The following PRRC1 variants were observed in gnomAD, a reference collection of about 807,000 sequenced individuals.
PRRC1 encodes protein PRRC1.
A neutral mutation model predicts 40.7 loss-of-function variants in PRRC1; 39 were observed. The ratio of observed to expected loss-of-function variants is 0.96; its 90% confidence interval spans 0.74 to 1.25. The LOEUF (loss-of-function observed/expected upper bound fraction) is 1.25, where lower values mean the gene tolerates loss of function less well. PRRC1 is among the 50% of genes most tolerant of loss of function. The pLI is 0.00. For missense variants in PRRC1, 573 were observed against 548.3 expected (o/e 1.05, Z -0.45); for synonymous variants, 175 against 193.3 (o/e 0.91, Z 0.79).
At chr5:127,526,110 A>G (rs1580931192) in intron 3 of PRRC1, among the ~76,000 whole-genome samples, 1 of 152,280 alleles carries the variant, frequency 6.6e-6, no homozygotes, top group East Asian at 1.9e-4. Context: ...CATTTTAGGG[A>G]AAAGCAGTAG....
chr5:127,553,803 A>C lies in PRRC1; in HGVS notation c.*1887A>C. The C allele has an allele frequency of 6.5e-7, 1 of 1,535,526 alleles. No individual in the cohort carries two copies. The highest frequency in any genetic ancestry group is 2.0e-5 in the Admixed American group (1 of 50,952). On this transcript the variant is annotated 3_prime_UTR_variant, in exon 9 of 9. Transcript: ENST00000296666. ...AATACTGACATTTCATTAGATGATT[A>C]TTTTCCTAGAATCCCCAAAGAGCAG...
intron 7 of PRRC1, among the ~76,000 whole-genome samples, chr5:127,542,207 G>A (rs1205165157): frequency 1.3e-5 from 2 of 152,140 alleles, no homozygotes; most frequent in Non-Finnish European, 2.9e-5. Context: ...TTAATCCTGA[G>A]TTCTAGTTTG....
chr5:127,520,543 GA>G (rs1462940865), intron 1 of PRRC1, among the ~76,000 whole-genome samples: 2 of 152,100 alleles, frequency 1.3e-5, no homozygotes, highest in Non-Finnish European at 2.9e-5. Flanking sequence ...TATGTTGAAT[GA>G]AAAAAAGCCA....
In PRRC1 at chr5:127,526,423, C is replaced by T. The variant is rs1171871084; in HGVS notation, c.494-195C>T. On this transcript the variant is annotated intron_variant, in intron 3 of 8. Transcript: ENST00000296666. ...CATTTTCAGGATACTTGGTTTAAGA[C>T]TATATAAAGGGAAATAAATTTCTTT... 2.6e-5 allele frequency among the ~76,000 whole-genome samples: 4 copies of T among 152,166 alleles called. No individual in the cohort carries two copies. The East Asian group carries it at 7.7e-4, about 29-fold the overall frequency.
intron 6 of PRRC1, among the ~76,000 whole-genome samples, chr5:127,536,284 T>C (rs1341002497): frequency 8.1e-5 from 11 of 136,122 alleles, no homozygotes; most frequent in Non-Finnish European, 1.7e-4. Context: ...GGGTTTGAAT[T>C]TAATCTAGAA....
At chr5:127,540,565 C>A (rs1362925847) in intron 7 of PRRC1, among the ~76,000 whole-genome samples, 1 of 152,102 alleles carries the variant, frequency 6.6e-6, no homozygotes, top group African/African-American at 2.4e-5. Flanking sequence ...CAGAGCTGCT[C>A]ACTACCAATT....
intron 3 of PRRC1, among the ~76,000 whole-genome samples, 156 bp from the exon 4 acceptor site, chr5:127,526,462 A>T (rs969319462): frequency 6.6e-6 from 1 of 152,212 alleles, no homozygotes; most frequent in Admixed American, 6.5e-5. Context: ...AATTCTGTTT[A>T]ATTTGCGTTT....
rs768799240 is a variant in PRRC1, at chr5:127,524,877, C to G, written c.450C>G (p.Pro150=). 1 of 1,613,680 alleles carries G rather than the reference C, an allele frequency of 6.2e-7. No individual in the cohort carries two copies. Among genetic ancestry groups the G allele is most frequent in the Admixed American group, 1.7e-5 (1 of 59,984 alleles). ...CAAGGGGACATGCTGGGAGAGCTCC[C>G]CAGACACCCCTGATGCCATCATTTT... ...DITRGHAGRA[P]QTPLMPSFSA... Residue 150 remains proline (P), a synonymous_variant, in exon 3 of 9, where the codon CCC becomes CCG. Transcript: ENST00000296666.
At chr5:127,535,784 C>T (rs1413757641) in intron 6 of PRRC1, among the ~76,000 whole-genome samples, 1 of 152,058 alleles carries the variant, frequency 6.6e-6, no homozygotes, top group East Asian at 1.9e-4. Flanking sequence ...ATTGACATAG[C>T]ATATTTCATT....
chr5:127,537,846 G>A (rs1441555194), intron 6 of PRRC1, among the ~76,000 whole-genome samples: 3 of 151,958 alleles, frequency 2.0e-5, no homozygotes, highest in African/African-American at 7.2e-5. Flanking sequence ...AAATAACTAA[G>A]TTCATCTTAT....
At chr5:127,527,869 C>A (rs1028790876) in intron 4 of PRRC1, among the ~76,000 whole-genome samples, 1 of 150,274 alleles carries the variant, frequency 6.7e-6, no homozygotes, top group Admixed American at 6.6e-5. Flanking sequence ...TTTGAGTGAA[C>A]ATTTGAAGAA....
At chr5:127,541,995 T>A (rs994375922) in intron 7 of PRRC1, among the ~76,000 whole-genome samples, 39 of 152,348 alleles carry the variant, frequency 2.6e-4, no homozygotes, top group African/African-American at 8.4e-4. Flanking sequence ...TCTTTCCTAC[T>A]TTCTCTTGTG....
At chr5:127,518,013 G>T (rs1037775280) in intron 1 of PRRC1, 3 of 152,966 alleles carry the variant, frequency 2.0e-5, no homozygotes, top group South Asian at 2.1e-4. Context: ...AGCAGTTTCC[G>T]CTGGGGATGG....
At chr5:127,543,945 C>T (rs1012804433) in intron 7 of PRRC1, among the ~76,000 whole-genome samples, 7 of 151,736 alleles carry the variant, frequency 4.6e-5, no homozygotes, top group South Asian at 2.1e-4. Flanking sequence ...GGAGGAGAGG[C>T]GCTCTGCTTT....
rs141678883 is a variant in PRRC1, at chr5:127,530,538, TGTCA to T, written c.757+146_757+149del. On this transcript the variant is annotated intron_variant, in intron 5 of 8. Transcript: ENST00000296666. ...TATTATATTCTTGCATTAATTTAAT[TGTCA>T]GTCTTATTTTTTGGTGTTACTAATT... is the stretch of plus-strand genomic sequence containing the variant. 3.0e-3 allele frequency: 1,489 copies of T among 495,326 alleles called. 16 individuals carry two copies. Among genetic ancestry groups the T allele is most frequent in the African/African-American group, 0.026 (1,325 of 50,610 alleles). The allele number at this position is 495,326 out of a possible 1,614,324, so 30.7% of individuals were successfully genotyped here.
intron 8 of PRRC1, chr5:127,549,473 TTGAAAGGAGAA>T (rs1768314652): frequency 6.6e-6 from 1 of 152,166 alleles, no homozygotes; most frequent in Non-Finnish European, 1.5e-5. Context: ...AACATCTGCA[TTGAAAGGAGAA>T]AAAAGATTTT....
rs1157473812 is a variant in PRRC1 at position 127,547,841 on chromosome 5, G to C, written c.1048G>C (p.Val350Leu). ...PDKWFDIGCL[V>L]VEDPVHGIHL... The stretch of plus-strand genomic sequence containing the variant: ...CAGATGGTTTGACATTGGTTGTTTG[G>C]TGGTTGAAGATCCTGTCCATGGCAT... The change falls in exon 8 of 9, where the codon GTG (valine) becomes CTG (leucine). Residue 350 changes from valine (V) to leucine (L), a missense_variant. Transcript: ENST00000296666. The C allele has an allele frequency of 1.2e-6, 2 of 1,612,888 alleles. No individual in the cohort carries two copies. The highest frequency in any genetic ancestry group is 1.7e-6 in the Non-Finnish European group (2 of 1,179,424).
rs186476772 is a variant in PRRC1, at chr5:127,524,106, T to A, written c.104-425T>A. ...CCAGGCTGGTCTCAAACTCCTGACC[T>A]CAGGTGATCCACCTGCCTCAGCCTC... On this transcript the variant is annotated intron_variant, in intron 2 of 8. Coordinates refer to ENST00000296666, the MANE Select transcript of PRRC1 (RefSeq NM_130809.5). 787 of 162,074 alleles carry A rather than the reference T, an allele frequency of 4.9e-3. 2 individuals carry two copies. The highest frequency in any genetic ancestry group is 7.6e-3 in the Non-Finnish European group (563 of 74,204). The allele number at this position is 162,074 out of a possible 1,614,324, so 10.0% of individuals were successfully genotyped here.
chr5:127,525,441 G>A (rs1433014923), intron 3 of PRRC1, among the ~76,000 whole-genome samples: 1 of 152,082 alleles, frequency 6.6e-6, no homozygotes, highest in African/African-American at 2.4e-5. Context: ...ATGTTGGGTT[G>A]TTTTCCACTT....
Sources: allele counts gnomAD v4.1 joint callset (sites outside exome capture counted in the v4.1 genomes callset), GRCh38; gene constraint gnomAD v4.1.1; transcripts MANE v1.5; gene names NCBI Gene and HGNC (gene_info 2026-07-23, HGNC 2026-07-21).